DPYSL3: variants seen among roughly 807,000 people sequenced by gnomAD.
DPYSL3 encodes the protein dihydropyrimidinase like 3, also known as dihydropyrimidinase-related protein 3.
In DPYSL3, 16 loss-of-function variants were observed where a neutral mutation model predicts 66.1. The observed-to-expected ratio is 0.24, with a 90% CI of 0.16 to 0.37. The LOEUF (loss-of-function observed/expected upper bound fraction) is 0.37. Among genes scored for constraint, DPYSL3 ranks in the 10% least tolerant of loss-of-function variants. The pLI is 1.00. For missense variants in DPYSL3, 738 were observed against 916.2 expected, an observed-to-expected ratio of 0.81 and a Z score of 2.51; for synonymous variants, 338 against 345.1, an observed-to-expected ratio of 0.98 and a Z score of 0.23.
chr5:147,456,219 C>A (rs944247465), intron 1 of DPYSL3, among the ~76,000 whole-genome samples: 7 of 152,192 alleles, frequency 4.6e-5, no homozygotes, highest in African/African-American at 1.7e-4. Context: ...ATAAGAAAGG[C>A]AGCCATCAAC....
chr5:147,498,347 A>G lies in DPYSL3; in HGVS notation c.381+11131T>C, dbSNP rs200803725. 3.3e-5 allele frequency among the ~76,000 whole-genome samples: 5 copies of G among 152,242 alleles called. No individual in the cohort carries two copies. In the East Asian group the frequency reaches 9.6e-4, roughly 29 times the overall value. On this transcript the variant is annotated intron_variant, in intron 1 of 13. Transcript: ENST00000343218. Reference sequence around the variant, plus strand: ...TTTATCCAGTCTATCAGTGAAGGGCATTTAGGTTGATTCCATGTCATTGCT... The same window carrying G: ...TTTATCCAGTCTATCAGTGAAGGGCGTTTAGGTTGATTCCATGTCATTGCT...
At chr5:147,419,055 T>C (rs752860766) in intron 2 of DPYSL3, among the ~76,000 whole-genome samples, 86 of 152,170 alleles carry the variant, frequency 5.7e-4, no homozygotes, top group Non-Finnish European at 7.6e-4. Flanking sequence ...AAGATAATAG[T>C]AAATCATTTA....
At chr5:147,481,665 C>T (rs114906617) in intron 1 of DPYSL3, among the ~76,000 whole-genome samples, 4 of 152,256 alleles carry the variant, frequency 2.6e-5, no homozygotes, top group Non-Finnish European at 5.9e-5. Flanking sequence ...ATGAGGGCTC[C>T]ACCCTTATGC....
At chr5:147,482,182 C>G (rs920290675) in intron 1 of DPYSL3, among the ~76,000 whole-genome samples, 1 of 152,134 alleles carries the variant, frequency 6.6e-6, no homozygotes, top group African/African-American at 2.4e-5. Context: ...GGTTCCCTGC[C>G]TCTCCCAATG....
chr5:147,457,979 G>A (rs1461643854), intron 1 of DPYSL3, among the ~76,000 whole-genome samples: 2 of 152,214 alleles, frequency 1.3e-5, no homozygotes, highest in Non-Finnish European at 1.5e-5. Context: ...ATCTAGGAAA[G>A]AAGGTATTGG....
chr5:147,453,746 C>A, intron 1 of DPYSL3: 1 of 1,318,172 alleles, frequency 7.6e-7, no homozygotes, highest in East Asian at 3.1e-5. Context: ...TCCCGGGCTC[C>A]CGCGGCGGCT....
At chr5:147,402,593 C>T (rs1046868683) in intron 8 of DPYSL3, among the ~76,000 whole-genome samples, 13 of 135,392 alleles carry the variant, frequency 9.6e-5, no homozygotes, top group East Asian at 3.9e-4. Context: ...GTGATCCGCC[C>T]GCCTCGGCCT....
intron 1 of DPYSL3, chr5:147,453,662 G>A: frequency 8.1e-6 from 12 of 1,482,672 alleles, no homozygotes; most frequent in Non-Finnish European, 9.9e-6. Context: ...CTTCCTCAGC[G>A]CACAGCGCCC....
intron 1 of DPYSL3, among the ~76,000 whole-genome samples, chr5:147,462,786 T>C (rs1469228104): frequency 6.6e-6 from 1 of 152,122 alleles, no homozygotes; most frequent in East Asian, 1.9e-4. Context: ...ACTCCTATGT[T>C]ATTGGAGGTA....
chr5:147,423,964 C>G (rs575016458), intron 2 of DPYSL3, among the ~76,000 whole-genome samples: 1 of 152,104 alleles, frequency 6.6e-6, no homozygotes, highest in East Asian at 1.9e-4. Context: ...GTGATCTGTC[C>G]GCCTCGGCCT....
Position 147,394,926 on chromosome 5 carries a change from T to C in DPYSL3, c.1966+633A>G, listed in dbSNP as rs1300398402. On this transcript the variant is annotated intron_variant, in intron 13 of 13. Transcript: ENST00000343218. The stretch of plus-strand genomic sequence containing the variant: ...CTTCCTTCACATTTAAATTATTCAT[T>C]ATAGGAATGCGAATCTACATTTATT... Among the ~76,000 whole-genome samples, 5 of 152,336 alleles carry C rather than the reference T, an allele frequency of 3.3e-5. No individual in the cohort carries two copies. In the East Asian group the frequency reaches 9.7e-4, roughly 29 times the overall value.
At chr5:147,455,030 T>C (rs1752821002) in intron 1 of DPYSL3, among the ~76,000 whole-genome samples, 1 of 152,246 alleles carries the variant, frequency 6.6e-6, no homozygotes, top group Non-Finnish European at 1.5e-5. Context: ...CTTAATGTTC[T>C]ATTAAATAGA....
In DPYSL3 at chr5:147,393,796, T is replaced by C; in HGVS notation, c.*239A>G. ...TACCTTAGTGGCCTGTCTGATTGCA[T>C]GCATGTAAATGGGGGGAGGGGAGTC... On this transcript the variant is annotated 3_prime_UTR_variant, in exon 14 of 14. Coordinates refer to ENST00000343218, the MANE Select transcript of DPYSL3 (RefSeq NM_001197294.2). The C allele has an allele frequency of 1.9e-6, 1 of 532,714 alleles. No homozygotes were observed. The highest frequency in any genetic ancestry group is 3.4e-6 in the Non-Finnish European group (1 of 295,954). The allele number at this position is 532,714 out of a possible 1,614,324, so 33.0% of individuals were successfully genotyped here. A position where few individuals can be genotyped will look rare whatever the true frequency, so the allele number is the denominator to read the frequency against.
chr5:147,481,259 A>T (rs1753238903), intron 1 of DPYSL3, among the ~76,000 whole-genome samples: 1 of 152,184 alleles, frequency 6.6e-6, no homozygotes, highest in African/African-American at 2.4e-5. Flanking sequence ...CTGTTACTAG[A>T]ATCTACCTAC....
intron 1 of DPYSL3, among the ~76,000 whole-genome samples, chr5:147,458,864 A>G (rs998693455): frequency 6.6e-6 from 1 of 152,182 alleles, no homozygotes; most frequent in African/African-American, 2.4e-5. Context: ...GGGAGAACAC[A>G]GTGTATAGGG....
At chr5:147,458,960 CCTAACA>C (rs1489214291) in intron 1 of DPYSL3, among the ~76,000 whole-genome samples, 1 of 151,536 alleles carries the variant, frequency 6.6e-6, no homozygotes, top group African/African-American at 2.4e-5. Flanking sequence ...GGCAGCTACT[CCTAACA>C]CTATTTTTAA....
At chr5:147,403,818 T>A (rs1758260573) in intron 8 of DPYSL3, among the ~76,000 whole-genome samples, 1 of 152,146 alleles carries the variant, frequency 6.6e-6, no homozygotes, top group Non-Finnish European at 1.5e-5. Context: ...GCAGCCAGTT[T>A]TTCATCCCTG....
intron 8 of DPYSL3, among the ~76,000 whole-genome samples, chr5:147,402,978 A>T (rs376505193): frequency 6.8e-4 from 103 of 152,330 alleles, no homozygotes; most frequent in African/African-American, 2.4e-3. Flanking sequence ...TGGTCCTCCA[A>T]CTTCCACAGT....
At position 147,392,264 on chromosome 5, in the gene DPYSL3, C is replaced by T. The variant is rs990678010; in HGVS notation, c.*1771G>A. On this transcript the variant is annotated 3_prime_UTR_variant, in exon 14 of 14. Coordinates refer to ENST00000343218, the MANE Select transcript of DPYSL3 (RefSeq NM_001197294.2). ...CAAGAGCTTTAAAATAGCAAGCTTC[C>T]CTATTCTAAGGGGAAATAGTCTTTT... The T allele has an allele frequency of 6.6e-6, 1 of 152,206 alleles. No individual in the cohort carries two copies. The highest frequency in any genetic ancestry group is 2.1e-4 in the South Asian group (1 of 4,828). 9.4% of individuals were successfully genotyped at this position (152,206 alleles called of 1,614,324 possible). A position where few individuals can be genotyped will look rare whatever the true frequency, so the allele number is the denominator to read the frequency against.
Sources: gnomAD v4.1 joint callset for allele counts (sites outside exome capture counted in the v4.1 genomes callset) on GRCh38, gnomAD v4.1.1 for gene constraint, MANE v1.5 for transcripts, NCBI Gene and HGNC (gene_info 2026-07-23, HGNC 2026-07-21) for gene names.